The following LRRTM4 variants were observed in gnomAD, a reference collection of about 807,000 sequenced individuals.
The protein encoded by LRRTM4 is leucine-rich repeat transmembrane neuronal protein 4.
LRRTM4 carries 25 observed loss-of-function variants against 47.6 expected under a neutral mutation model. That is an observed-to-expected ratio of 0.53 (90% CI 0.38 to 0.73). The LOEUF (loss-of-function observed/expected upper bound fraction) is 0.73. Ranked by LOEUF, LRRTM4 falls within the 30% of genes least tolerant of loss-of-function variation. The probability of loss-of-function intolerance (pLI) is 0.00; values close to 1 mark genes in which losing one functional copy is unlikely to be tolerated. For missense variants in LRRTM4, 638 were observed against 713.4 expected, an observed-to-expected ratio of 0.89 and a Z score of 1.20; for synonymous variants, 311 against 269.5, an observed-to-expected ratio of 1.15 and a Z score of -1.51.
At chr2:77,296,006 T>C (rs1166291155) in intron 3 of LRRTM4, among the ~76,000 whole-genome samples, 2 of 152,196 alleles carry the variant, frequency 1.3e-5, no homozygotes, top group African/African-American at 4.8e-5. Flanking sequence ...GCTCTTATTG[T>C]TTTACAAATT....
chr2:76,815,151 T>G (rs1326148187), intron 3 of LRRTM4, among the ~76,000 whole-genome samples: 1 of 151,976 alleles, frequency 6.6e-6, no homozygotes, highest in African/African-American at 2.4e-5. Context: ...GAAATAAAAT[T>G]TGTGAAAAGT....
intron 3 of LRRTM4, among the ~76,000 whole-genome samples, chr2:77,476,692 G>C (rs1239251873): frequency 1.3e-5 from 2 of 152,006 alleles, no homozygotes. Flanking sequence ...CAATTGTTAT[G>C]CTAAAGCGAG....
At chr2:77,338,338 C>T (rs1671241122) in intron 3 of LRRTM4, among the ~76,000 whole-genome samples, 1 of 151,986 alleles carries the variant, frequency 6.6e-6, no homozygotes, top group African/African-American at 2.4e-5. Context: ...ATAAACTATG[C>T]ATCCAATGAA....
intron 3 of LRRTM4, among the ~76,000 whole-genome samples, chr2:76,768,445 A>T (rs147263373): frequency 1.3e-5 from 2 of 152,286 alleles, no homozygotes; most frequent in East Asian, 3.9e-4. Context: ...AGTTTAAAGC[A>T]TGCAAAAGAA....
intron 3 of LRRTM4, among the ~76,000 whole-genome samples, chr2:76,888,284 T>C (rs1232242917): frequency 4.0e-5 from 6 of 151,426 alleles, no homozygotes; most frequent in African/African-American, 1.2e-4. Context: ...TCTATAATGG[T>C]ATACTAATAT....
intron 3 of LRRTM4, among the ~76,000 whole-genome samples, chr2:77,255,674 G>A (rs1222930286): frequency 2.0e-5 from 3 of 151,932 alleles, no homozygotes; most frequent in Admixed American, 2.0e-4. Context: ...TAATCCATGT[G>A]TCGAATAGAA....
intron 3 of LRRTM4, among the ~76,000 whole-genome samples, chr2:76,899,250 T>C (rs1281798835): frequency 6.7e-6 from 1 of 149,564 alleles, no homozygotes; most frequent in Non-Finnish European, 1.5e-5. Flanking sequence ...TGAACAAAAC[T>C]GCAAAAACAC....
chr2:76,809,018 C>T (rs569851207), intron 3 of LRRTM4, among the ~76,000 whole-genome samples: 1 of 152,082 alleles, frequency 6.6e-6, no homozygotes, highest in Non-Finnish European at 1.5e-5. Flanking sequence ...TTTTCTCAAC[C>T]ATATTTTACC....
intron 3 of LRRTM4, among the ~76,000 whole-genome samples, chr2:77,322,006 G>A (rs565828962): frequency 1.3e-5 from 2 of 152,246 alleles, no homozygotes; most frequent in East Asian, 3.9e-4. Context: ...CTGAGCTGTA[G>A]GAGGGTAAAA....
intron 3 of LRRTM4, among the ~76,000 whole-genome samples, chr2:76,840,647 G>A (rs181484431): frequency 1.3e-5 from 2 of 152,114 alleles, no homozygotes; most frequent in Non-Finnish European, 2.9e-5. Context: ...CAGCTGCCCC[G>A]ACTACATGTG....
chr2:77,098,834 A>G (rs922292552), intron 3 of LRRTM4, among the ~76,000 whole-genome samples: 2 of 152,016 alleles, frequency 1.3e-5, no homozygotes, highest in Admixed American at 1.3e-4. Flanking sequence ...ATATGAAAAG[A>G]CAATTCATAA....
At chr2:76,796,502 C>G (rs1468427622) in intron 3 of LRRTM4, among the ~76,000 whole-genome samples, 4 of 132,218 alleles carry the variant, frequency 3.0e-5, no homozygotes, top group African/African-American at 1.2e-4. Flanking sequence ...CAAGTGGGTC[C>G]CTGACCCCAG....
intron 3 of LRRTM4, among the ~76,000 whole-genome samples, chr2:77,339,121 G>GT (rs1573277396): frequency 2.0e-5 from 3 of 151,234 alleles, no homozygotes; most frequent in Non-Finnish European, 2.9e-5. Flanking sequence ...GGGAACAAGG[G>GT]TTAAAAAAAA....
intron 3 of LRRTM4, among the ~76,000 whole-genome samples, chr2:76,973,894 A>C (rs1226471078): frequency 6.6e-6 from 1 of 151,786 alleles, no homozygotes; most frequent in Non-Finnish European, 1.5e-5. Flanking sequence ...AATGTAATGG[A>C]AAGTTACTGT....
At chr2:77,005,371 T>C (rs1677603905) in intron 3 of LRRTM4, among the ~76,000 whole-genome samples, 1 of 152,118 alleles carries the variant, frequency 6.6e-6, no homozygotes, top group African/African-American at 2.4e-5. Flanking sequence ...TCTTGAACTC[T>C]TGACCTTGTA....
At chr2:77,172,217 A>G (rs1216762743) in intron 3 of LRRTM4, among the ~76,000 whole-genome samples, 1 of 152,216 alleles carries the variant, frequency 6.6e-6, no homozygotes, top group East Asian at 1.9e-4. Flanking sequence ...ATAGAGTACT[A>G]TTGATGAAAT....
chr2:77,352,291 T>C (rs1449287343), intron 3 of LRRTM4, among the ~76,000 whole-genome samples: 4 of 152,176 alleles, frequency 2.6e-5, no homozygotes, highest in Admixed American at 2.6e-4. Flanking sequence ...ACTGATTTGA[T>C]GTATAACCCA....
chr2:77,261,110 A>T (rs967510361), intron 3 of LRRTM4, among the ~76,000 whole-genome samples: 1 of 152,072 alleles, frequency 6.6e-6, no homozygotes, highest in Non-Finnish European at 1.5e-5. Flanking sequence ...AGGATTGAGC[A>T]TATTGTCAGC....
intron 3 of LRRTM4, among the ~76,000 whole-genome samples, chr2:77,422,872 T>C (rs894524356): frequency 2.0e-5 from 3 of 152,086 alleles, no homozygotes; most frequent in Admixed American, 6.5e-5. Flanking sequence ...TTGTATGTTT[T>C]CAAAATTTGG....
Sources: allele counts gnomAD v4.1 joint callset (sites outside exome capture counted in the v4.1 genomes callset), GRCh38; gene constraint gnomAD v4.1.1; transcripts MANE v1.5; gene names NCBI Gene and HGNC (gene_info 2026-07-23, HGNC 2026-07-21).